ABHD6: variants seen among roughly 807,000 people sequenced by gnomAD.
The protein encoded by ABHD6 is monoacylglycerol lipase ABHD6.
In ABHD6, 33 loss-of-function variants were observed where a neutral mutation model predicts 38.8. The ratio of observed to expected loss-of-function variants is 0.85; its 90% CI spans 0.64 to 1.14. ABHD6 has a LOEUF of 1.14. ABHD6 is among the 50% of genes most tolerant of loss of function. ABHD6 has a pLI of 0.00. For missense variants in ABHD6, 380 were observed against 422.6 expected, an observed-to-expected ratio of 0.90 and a Z score of 0.88; for synonymous variants, 147 against 161.6, an observed-to-expected ratio of 0.91 and a Z score of 0.69.
chr3:58,251,091 G>C lies in ABHD6; in HGVS notation c.-26+1149G>C, dbSNP rs537324322. Among the ~76,000 whole-genome samples the C allele has an allele frequency of 1.4e-5, 2 of 145,796 alleles. No homozygotes were observed. The highest frequency in any genetic ancestry group is 2.9e-5 in the Non-Finnish European group (2 of 67,814). On this transcript the variant is annotated intron_variant, in intron 2 of 9. Transcript: ENST00000478253. The surrounding 1 kb of genome is among the most constrained non-coding windows in gnomAD (Gnocchi z 5.4). ...TCCCAGCACTTTGGGAGGCCGAGGC[G>C]GGGGGGATCACCTGAGGTCAGGAGT...
rs2097441133 is a variant in ABHD6, at chr3:58,266,530, T to G, written c.120-659T>G. ...GCGGATAAAAGTAAATGAATATATATCTTCTCTCCCTCTCTGCTTATTTTA... is the reference window on the plus strand; with the variant it reads ...GCGGATAAAAGTAAATGAATATATAGCTTCTCTCCCTCTCTGCTTATTTTA... On this transcript the variant is annotated intron_variant, in intron 3 of 9. Coordinates refer to ENST00000478253, the MANE Select transcript of ABHD6 (RefSeq NM_001320126.2). The surrounding 1 kb of genome is among the most constrained non-coding windows in gnomAD (Gnocchi z 4.0). 1.3e-5 allele frequency among the ~76,000 whole-genome samples: 2 copies of G among 152,042 alleles called. No individual in the cohort carries two copies. The highest frequency in any genetic ancestry group is 6.5e-5 in the Admixed American group (1 of 15,268).
At chr3:58,286,279 A>G (rs2097456936) in intron 9 of ABHD6, among the ~76,000 whole-genome samples, 1 of 151,890 alleles carries the variant, frequency 6.6e-6, no homozygotes, top group African/African-American at 2.4e-5. Flanking sequence ...TCAGCCTCCC[A>G]AAGTGTTGGG....
chr3:58,291,587 A>G (rs1023482871), intron 9 of ABHD6, among the ~76,000 whole-genome samples: 1 of 152,126 alleles, frequency 6.6e-6, no homozygotes, highest in Non-Finnish European at 1.5e-5. Flanking sequence ...ATTTATATGA[A>G]TATTCTATCT....
Position 58,285,013 on chromosome 3 carries a change from G to T in ABHD6, c.682-72G>T. On this transcript the variant is annotated intron_variant, in intron 7 of 9. Transcript: ENST00000478253. This position sits in a 1 kb window ranked among gnomAD's most constrained non-coding sequence, Gnocchi z 4.9. ...TTGCTGGACCTCATTCCCATTCATT[G>T]TCCCAGAGCTGTGAGAGGCCTGAGG... 1.4e-6 allele frequency: 2 copies of T among 1,419,540 alleles called. No individual in the cohort carries two copies. Among genetic ancestry groups the T allele is most frequent in the Admixed American group, 3.3e-5 (2 of 59,706 alleles). 87.9% of individuals were successfully genotyped at this position (1,419,540 alleles called of 1,614,324 possible). A position where few individuals can be genotyped will look rare whatever the true frequency, so the allele number is the denominator to read the frequency against.
intron 7 of ABHD6, among the ~76,000 whole-genome samples, chr3:58,282,740 A>T (rs1386608708): frequency 6.6e-6 from 1 of 152,186 alleles, no homozygotes; most frequent in Non-Finnish European, 1.5e-5. Flanking sequence ...TGTCTCAAAA[A>T]AACAACAACA....
Position 58,285,193 on chromosome 3 carries a change from G to T in ABHD6, c.736+54G>T. 6.3e-7 allele frequency: 1 copy of T among 1,579,970 alleles called. No homozygotes were observed. The highest frequency in any genetic ancestry group is 8.7e-7 in the Non-Finnish European group (1 of 1,149,012). On this transcript the variant is annotated intron_variant, in intron 8 of 9. Transcript: ENST00000478253. This position sits in a 1 kb window ranked among gnomAD's most constrained non-coding sequence, Gnocchi z 4.9. Reference sequence around the variant, plus strand: ...TTGTTACAAGTGAAGCTCTGTGGATGGATGGCTTTTATTTCTTAAATCTCT... The same window carrying T: ...TTGTTACAAGTGAAGCTCTGTGGATTGATGGCTTTTATTTCTTAAATCTCT...
intron 6 of ABHD6, among the ~76,000 whole-genome samples, chr3:58,271,272 T>A (rs1042139898): frequency 6.6e-6 from 1 of 152,116 alleles, no homozygotes; most frequent in African/African-American, 2.4e-5. Context: ...CCAGCCTTGT[T>A]ACACCAAGAA....
intron 7 of ABHD6, among the ~76,000 whole-genome samples, chr3:58,283,969 T>C (rs546918504): frequency 6.6e-6 from 1 of 152,280 alleles, no homozygotes; most frequent in South Asian, 2.1e-4. Context: ...GTTTAGTCCA[T>C]AGCAGCCATG....
intron 9 of ABHD6, among the ~76,000 whole-genome samples, chr3:58,288,725 C>A (rs1167943740): frequency 2.0e-5 from 3 of 152,198 alleles, no homozygotes; most frequent in East Asian, 1.9e-4. Context: ...CAGCCAGGAT[C>A]CCTGCCCTCC....
At chr3:58,271,184 A>G in intron 6 of ABHD6, 120 bp downstream of exon 6, 2 of 1,131,796 alleles carry the variant, frequency 1.8e-6, no homozygotes, top group Non-Finnish European at 2.4e-6. Flanking sequence ...AGAGATATGC[A>G]GTGTTTTACT....
rs981585001 is a variant in ABHD6 at position 58,266,133 on chromosome 3, G to A, written c.120-1056G>A. Reference sequence around the variant, plus strand: ...CTTTACGTTTTGAGTAGGCAATGCAGTCATTAAAAAAGTTTCAAAAGAAAC... The same window carrying A: ...CTTTACGTTTTGAGTAGGCAATGCAATCATTAAAAAAGTTTCAAAAGAAAC... On this transcript the variant is annotated intron_variant, in intron 3 of 9. Transcript: ENST00000478253. This position sits in a 1 kb window ranked among gnomAD's most constrained non-coding sequence, Gnocchi z 4.0. Among the ~76,000 whole-genome samples, 7 of 152,198 alleles carry A rather than the reference G, an allele frequency of 4.6e-5. No individual in the cohort carries two copies. Among genetic ancestry groups the A allele is most frequent in the Admixed American group, 3.9e-4 (6 of 15,276 alleles).
In ABHD6 at chr3:58,259,954, G is replaced by A. The variant is rs1318669457; in HGVS notation, c.119+3249G>A. 6.6e-6 allele frequency among the ~76,000 whole-genome samples: 1 copy of A among 152,108 alleles called. No homozygotes were observed. The highest frequency in any genetic ancestry group is 2.1e-4 in the South Asian group (1 of 4,830). On this transcript the variant is annotated intron_variant, in intron 3 of 9. Coordinates refer to ENST00000478253, the MANE Select transcript of ABHD6 (RefSeq NM_001320126.2). The surrounding 1 kb of genome is among the most constrained non-coding windows in gnomAD (Gnocchi z 4.7). ...GGGGTTATACATGTGTGACCTTTGT[G>A]TCTGGTTTCTCTCACTTAGCATAAT...
At chr3:58,244,651 C>A (rs1575511789) in intron 1 of ABHD6, among the ~76,000 whole-genome samples, 1 of 152,042 alleles carries the variant, frequency 6.6e-6, no homozygotes, top group East Asian at 1.9e-4. Flanking sequence ...GTGGTCCCAG[C>A]TGCTCAGGAG....
At chr3:58,268,098 C>T (rs2097442400) in intron 4 of ABHD6, among the ~76,000 whole-genome samples, 1 of 152,070 alleles carries the variant, frequency 6.6e-6, no homozygotes, top group African/African-American at 2.4e-5. Flanking sequence ...CAAACTAATG[C>T]AATATGTTAC....
At chr3:58,262,727 A>G (rs551951060) in intron 3 of ABHD6, among the ~76,000 whole-genome samples, 111 of 152,316 alleles carry the variant, frequency 7.3e-4, no homozygotes, top group African/African-American at 2.6e-3. Flanking sequence ...CTGGCCTGGT[A>G]TCTTAGAGTC....
At position 58,286,848 on chromosome 3, in the gene ABHD6, G is replaced by GCATATATATA. The variant is rs746605515; in HGVS notation, c.837+1395_837+1396insCATATATATA. ...TGTGTGTGTGTGTGTGTGTGTGTGT[G>GCATATATATA]TGTGTATATATATATATATATGTAT... On this transcript the variant is annotated intron_variant, in intron 9 of 9. Transcript: ENST00000478253. Among the ~76,000 whole-genome samples, 430 of 70,016 alleles carry GCATATATATA rather than the reference G, an allele frequency of 6.1e-3. 29 individuals are homozygous for GCATATATATA. The highest frequency in any genetic ancestry group is 0.054 in the East Asian group (60 of 1,112). The allele number at this position is 70,016 out of a possible 152,430, so 45.9% of individuals were successfully genotyped here.
intron 4 of ABHD6, among the ~76,000 whole-genome samples, chr3:58,268,009 G>C (rs1322074279): frequency 1.6e-4 from 24 of 152,182 alleles, no homozygotes; most frequent in Non-Finnish European, 1.5e-5. Flanking sequence ...GGAAGTCAAG[G>C]CTGCAGTGAA....
In ABHD6 at chr3:58,265,334, G is replaced by T. The variant is rs1559776534; in HGVS notation, c.120-1855G>T. ...TTATTTTGCCTAGTGTTGAATTAGG[G>T]TTTTAGCATGGTTGAGATCAATTTG... On this transcript the variant is annotated intron_variant, in intron 3 of 9. Transcript: ENST00000478253. This position sits in a 1 kb window ranked among gnomAD's most constrained non-coding sequence, Gnocchi z 4.2. Among the ~76,000 whole-genome samples, 2 of 152,182 alleles carry T rather than the reference G, an allele frequency of 1.3e-5. No homozygotes were observed. Among genetic ancestry groups the T allele is most frequent in the Middle Eastern group, 3.4e-3 (1 of 294 alleles).
intron 9 of ABHD6, among the ~76,000 whole-genome samples, chr3:58,288,778 C>G (rs184304651): frequency 6.6e-6 from 1 of 152,104 alleles, no homozygotes; most frequent in Non-Finnish European, 1.5e-5. Context: ...ATAACAGGCC[C>G]GAGACAAGGG....
Sources: gnomAD v4.1 joint callset for allele counts (sites outside exome capture counted in the v4.1 genomes callset) on GRCh38, gnomAD v4.1.1 for gene constraint, Gnocchi (gnomAD v3.1) non-coding constraint, MANE v1.5 for transcripts, NCBI Gene and HGNC (gene_info 2026-07-23, HGNC 2026-07-21) for gene names.